SBF2: variants seen among roughly 807,000 people sequenced by gnomAD.
SBF2 encodes myotubularin-related protein 13.
A neutral mutation model predicts 225.2 loss-of-function variants in SBF2; 112 were observed. The ratio of observed to expected loss-of-function variants is 0.50; its 90% CI spans 0.43 to 0.58. The LOEUF (loss-of-function observed/expected upper bound fraction) is 0.58, where lower values mean the gene tolerates loss of function less well. Ranked by LOEUF, SBF2 falls within the 20% of genes least tolerant of loss-of-function variation. The pLI, the probability that SBF2 is intolerant of heterozygous loss-of-function variation, is 0.00. For synonymous variants in SBF2, 763 were observed against 773.3 expected (o/e 0.99, Z 0.22); for missense variants, 1,996 against 2,206.2 (o/e 0.90, Z 1.91).
At chr11:10,234,338 T>C (rs1375493433) in intron 1 of SBF2, among the ~76,000 whole-genome samples, 1 of 152,232 alleles carries the variant, frequency 6.6e-6, no homozygotes, top group Non-Finnish European at 1.5e-5. Context: ...ATCTTGATTT[T>C]CTATAGCATA....
intron 1 of SBF2, among the ~76,000 whole-genome samples, chr11:10,212,996 C>G (rs1032917611): frequency 1.5e-4 from 23 of 151,736 alleles, no homozygotes; most frequent in Admixed American, 2.6e-4. Flanking sequence ...TTGCAGTGAG[C>G]TAAGATCTCA....
intron 27 of SBF2, among the ~76,000 whole-genome samples, chr11:9,830,054 T>C (rs1590173350): frequency 2.0e-5 from 3 of 152,152 alleles, no homozygotes; most frequent in Admixed American, 1.3e-4. Context: ...GGGGAGAAGA[T>C]AGGAGCAACT....
intron 2 of SBF2, among the ~76,000 whole-genome samples, chr11:10,181,522 T>C (rs1956735887): frequency 6.6e-6 from 1 of 152,132 alleles, no homozygotes; most frequent in African/African-American, 2.4e-5. Context: ...CTTTAAGAGT[T>C]AGCCAGAATT....
Position 10,008,661 on chromosome 11 carries a change from T to A in SBF2, c.620-5972A>T, listed in dbSNP as rs1948304837. ...TCAATGGGACAGATGGGAAAAAGCC[T>A]TGCATGGCTTGCCCCCTCCACCACA... On this transcript the variant is annotated intron_variant, in intron 6 of 39. Transcript: ENST00000256190. 2.0e-5 allele frequency among the ~76,000 whole-genome samples: 3 copies of A among 152,204 alleles called. No homozygotes were observed. In the South Asian group the frequency reaches 6.2e-4, roughly 32 times the overall value.
At chr11:10,199,163 C>A (rs766504073) in intron 1 of SBF2, among the ~76,000 whole-genome samples, 1 of 152,108 alleles carries the variant, frequency 6.6e-6, no homozygotes, top group Non-Finnish European at 1.5e-5. Flanking sequence ...ATTGTAAAGT[C>A]ATCAACTAAC....
chr11:10,118,912 A>AC (rs79423726), intron 2 of SBF2, among the ~76,000 whole-genome samples: 68,619 of 149,352 alleles, frequency 0.46, 16,278 homozygotes, highest in Admixed American at 0.56. Flanking sequence ...GAAAAAAAAA[A>AC]AACAAAACTA....
In SBF2 at chr11:9,839,487, GACAC is replaced by G; in HGVS notation, c.3455+7_3455+10del. ...GGAAGACCTCTTTTTGGAGCCCACT[GACAC>G]ACTTACCTCCGGCAGAGTGAATACA... On this transcript the variant is annotated splice_region_variant and intron_variant, in intron 26 of 39. Coordinates refer to ENST00000256190, the MANE Select transcript of SBF2 (RefSeq NM_030962.4). 1 of 1,613,390 alleles carries G rather than the reference GACAC, an allele frequency of 6.2e-7. No individual in the cohort carries two copies. The highest frequency in any genetic ancestry group is 8.5e-7 in the Non-Finnish European group (1 of 1,179,348).
At chr11:9,826,747 GTGTA>G (rs1412624894) in intron 28 of SBF2, among the ~76,000 whole-genome samples, 5 of 150,916 alleles carry the variant, frequency 3.3e-5, no homozygotes, top group South Asian at 2.1e-4. Context: ...GTGTGTGTGT[GTGTA>G]TGTGTGTGTG....
chr11:9,806,571 T>C (rs1370620810), intron 32 of SBF2, among the ~76,000 whole-genome samples: 1 of 152,158 alleles, frequency 6.6e-6, no homozygotes, highest in Non-Finnish European at 1.5e-5. Context: ...GGGCCAATAT[T>C]CAAACAGAAA....
At chr11:9,856,913 G>A (rs1194548569) in intron 18 of SBF2, among the ~76,000 whole-genome samples, 193 bp from the exon 19 acceptor site, 4 of 150,106 alleles carry the variant, frequency 2.7e-5, no homozygotes, top group East Asian at 2.0e-4. Flanking sequence ...TCAGCCTCCC[G>A]AGTAGCTGGG....
At chr11:10,215,273 A>C (rs1242032840) in intron 1 of SBF2, among the ~76,000 whole-genome samples, 1 of 152,224 alleles carries the variant, frequency 6.6e-6, no homozygotes, top group Non-Finnish European at 1.5e-5. Flanking sequence ...TTTACTAGCC[A>C]AGAAGACTAT....
At chr11:10,230,265 A>T (rs535706355) in intron 1 of SBF2, among the ~76,000 whole-genome samples, 2 of 152,238 alleles carry the variant, frequency 1.3e-5, no homozygotes, top group South Asian at 4.1e-4. Flanking sequence ...TCTTTATCCA[A>T]TTTGCCAGTC....
chr11:9,935,594 G>A (rs1209846324), intron 16 of SBF2, among the ~76,000 whole-genome samples: 1 of 152,114 alleles, frequency 6.6e-6, no homozygotes, highest in Non-Finnish European at 1.5e-5. Context: ...GCATGGTACT[G>A]GTATCAAAAC....
chr11:10,165,013 C>T (rs1276534224), intron 2 of SBF2: 6 of 152,370 alleles, frequency 3.9e-5, no homozygotes, highest in African/African-American at 1.4e-4. Flanking sequence ...GGATTCCTTG[C>T]TTCCCAGCTC....
chr11:9,999,111 A>C (rs1947832731), intron 8 of SBF2, among the ~76,000 whole-genome samples: 1 of 152,242 alleles, frequency 6.6e-6, no homozygotes, highest in East Asian at 1.9e-4. Context: ...AAAGTGTAAG[A>C]GAAAACAACC....
intron 2 of SBF2, among the ~76,000 whole-genome samples, chr11:10,086,265 G>C (rs1335857553): frequency 7.0e-6 from 1 of 142,842 alleles, no homozygotes; most frequent in Admixed American, 7.0e-5. Context: ...CATGTTTTTG[G>C]TGTGCAATCA....
At chr11:10,020,320 T>C (rs1480479706) in intron 6 of SBF2, among the ~76,000 whole-genome samples, 2 of 152,070 alleles carry the variant, frequency 1.3e-5, no homozygotes, top group Admixed American at 6.5e-5. Flanking sequence ...AAAGTGAGCA[T>C]GTGTACAACT....
chr11:9,931,046 G>C (rs1017537376), intron 16 of SBF2, among the ~76,000 whole-genome samples: 90 of 152,368 alleles, frequency 5.9e-4, no homozygotes, highest in African/African-American at 2.0e-3. Flanking sequence ...CAGCCTGGCT[G>C]GGGGAGGGGC....
intron 2 of SBF2, among the ~76,000 whole-genome samples, chr11:10,106,700 TAC>T (rs2134992661): frequency 6.8e-6 from 1 of 147,418 alleles, no homozygotes; most frequent in African/African-American, 2.5e-5. Context: ...TTTTTTGAAA[TAC>T]ACTTATAAAG....
Sources: gnomAD v4.1 joint callset for allele counts (sites outside exome capture counted in the v4.1 genomes callset) on GRCh38, gnomAD v4.1.1 for gene constraint, MANE v1.5 for transcripts, NCBI Gene and HGNC (gene_info 2026-07-23, HGNC 2026-07-21) for gene names.